PCID2: variants seen among roughly 807,000 people sequenced by gnomAD.
PCID2 encodes the protein PCI domain-containing protein 2.
PCID2 carries 41 observed loss-of-function variants against 61.3 expected under a neutral mutation model. The observed-to-expected ratio is 0.67, with a 90% CI of 0.52 to 0.87. The LOEUF (loss-of-function observed/expected upper bound fraction) is 0.87. Ranked by LOEUF, PCID2 falls within the 40% of genes least tolerant of loss-of-function variation. PCID2 has a pLI of 0.00. For missense variants in PCID2, 392 were observed against 493.4 expected (o/e 0.79, Z 1.95); for synonymous variants, 187 against 177.8 (o/e 1.05, Z -0.41).
At chr13:113,170,842 G>A in the PCID2 span, among the ~76,000 whole-genome samples, 1 of 151,930 alleles carries the variant, frequency 6.6e-6, no homozygotes, top group Non-Finnish European at 1.5e-5. Flanking sequence ...CTAAAAATCG[G>A]AAGAATGGGG....
At chr13:113,181,885 G>C (rs1338275804) in intron 9 of PCID2, among the ~76,000 whole-genome samples, 2 of 152,160 alleles carry the variant, frequency 1.3e-5, no homozygotes, top group Non-Finnish European at 2.9e-5. Flanking sequence ...AAAGAGTTCA[G>C]CACATGCTAA....
intron 1 of PCID2, among the ~76,000 whole-genome samples, chr13:113,201,593 T>C (rs554936255): frequency 4.3e-4 from 66 of 152,170 alleles, no homozygotes; most frequent in South Asian, 2.7e-3. Context: ...GGGCAGATCA[T>C]GAGGTCAGAA....
At position 113,208,599 on chromosome 13, in the gene PCID2, C is replaced by T. The variant is rs138888496; in HGVS notation, c.36G>A (p.Gln12=). The T allele has an allele frequency of 6.2e-7, 1 of 1,606,634 alleles. No homozygotes were observed. The highest frequency in any genetic ancestry group is 1.1e-5 in the South Asian group (1 of 90,340). The change falls in exon 1 of 14, where the codon CAG becomes CAA. Residue 12 remains glutamine (Q), a splice_region_variant and synonymous_variant. Coordinates refer to ENST00000337344, the MANE Select transcript of PCID2 (RefSeq NM_001127202.4). The part of the protein sequence containing the change: ...AHITINQYLQ[Q]VYEAIDSRDG... ...CGCGCGCTCCCCGGCTAGGACCCAC[C>T]TGCTGCAGGTACTGGTTAATGGTAA...
chr13:113,165,004 C>T, the PCID2 span: 32 of 1,559,330 alleles, frequency 2.1e-5, no homozygotes, highest in South Asian at 1.4e-4. Context: ...GTCCGATATT[C>T]GCTGAGAAGG....
In PCID2 at chr13:113,197,234, A is replaced by T; in HGVS notation, c.210T>A (p.Tyr70Ter). 6.2e-7 allele frequency: 1 copy of T among 1,611,272 alleles called. No homozygotes were observed. The highest frequency in any genetic ancestry group is 8.5e-7 in the Non-Finnish European group (1 of 1,177,388). ...CTATGAAGTCATGATTCCCCACTGC[A>T]TAAGTGCACCTGGAGGAGAAACAGA... ...EMFAAHLRCT[Y>*]AVGNHDFIEA... Residue 70 changes from tyrosine (Y) to a stop codon, truncating the protein, a stop_gained, in exon 4 of 14, where the codon TAT becomes TAA. Transcript: ENST00000337344. LOFTEE classifies it high-confidence loss of function.
downstream of PCID2, among the ~76,000 whole-genome samples, chr13:113,176,783 A>C (rs2037198459): frequency 6.6e-6 from 1 of 152,092 alleles, no homozygotes; most frequent in Admixed American, 6.5e-5. Flanking sequence ...GGAGAGAGTC[A>C]TCTCTATCTG....
chr13:113,175,027 C>CA (rs1277020053), downstream of PCID2, among the ~76,000 whole-genome samples: 2 of 152,166 alleles, frequency 1.3e-5, no homozygotes, highest in East Asian at 3.8e-4. Context: ...GTTCTCGTGA[C>CA]AGTGAGGGCG....
chr13:113,184,424 C>A lies in PCID2; in HGVS notation c.607G>T (p.Asp203Tyr). The change falls in exon 9 of 14, where the codon GAT (aspartate) becomes TAT (tyrosine). Residue 203 changes from aspartate to tyrosine, a missense_variant. Coordinates refer to ENST00000337344, the MANE Select transcript of PCID2 (RefSeq NM_001127202.4). The stretch of plus-strand genomic sequence containing the variant: ...GTTACTCTCTGTGCAGTGCTGTAAT[C>A]GTCTTTCAGGTTTGAGCTGTCAATT... The part of the protein sequence containing the change: ...RAIDSSNLKD[D>Y]YSTAQRVTYK... 1 of 1,607,254 alleles carries A rather than the reference C, an allele frequency of 6.2e-7. No homozygotes were observed. The highest frequency in any genetic ancestry group is 1.7e-4 in the Middle Eastern group (1 of 6,048).
chr13:113,204,804 G>A (rs1415665183), intron 1 of PCID2, among the ~76,000 whole-genome samples: 1 of 152,162 alleles, frequency 6.6e-6, no homozygotes, highest in African/African-American at 2.4e-5. Context: ...TGCGACTGGC[G>A]CCGCAGTGGA....
At chr13:113,194,927 A>G (rs899644926) in intron 6 of PCID2, 144 bp downstream of exon 6, 34 of 655,284 alleles carry the variant, frequency 5.2e-5, no homozygotes, top group Non-Finnish European at 9.0e-5. Context: ...AGAATAGTCA[A>G]TATCTTTCTT....
chr13:113,190,985 T>C lies in PCID2; in HGVS notation c.364-10A>G, dbSNP rs780020945. ...CCAACTGTTGATCTGCCTAATAAAATATAAGAACTTTTATTTCATTTTTCC... is the reference window on the plus strand; with the variant it reads ...CCAACTGTTGATCTGCCTAATAAAACATAAGAACTTTTATTTCATTTTTCC... On this transcript the variant is annotated splice_polypyrimidine_tract_variant and intron_variant, in intron 6 of 13. Coordinates refer to ENST00000337344, the MANE Select transcript of PCID2 (RefSeq NM_001127202.4). 3.8e-6 allele frequency: 6 copies of C among 1,584,042 alleles called. No homozygotes were observed. The highest frequency in any genetic ancestry group is 1.1e-5 in the South Asian group (1 of 90,066).
At chr13:113,180,350 C>T (rs949668501) in intron 10 of PCID2, 119 bp from the exon 11 acceptor site, 1 of 748,334 alleles carries the variant, frequency 1.3e-6, no homozygotes. Flanking sequence ...CTTAGAATGT[C>T]CATGGATTAA....
downstream of PCID2, among the ~76,000 whole-genome samples, chr13:113,177,295 G>A (rs187140983): frequency 2.0e-5 from 3 of 152,128 alleles, no homozygotes; most frequent in Admixed American, 6.5e-5. Flanking sequence ...GCGCCACCAC[G>A]CCCGGCTAAT....
chr13:113,172,044 A>C, the PCID2 span: 1 of 1,613,014 alleles, frequency 6.2e-7, no homozygotes, highest in African/African-American at 1.3e-5. Flanking sequence ...GGGCAGGCTC[A>C]CATGGTCCTT....
chr13:113,180,396 T>C (rs188015464), intron 10 of PCID2, among the ~76,000 whole-genome samples, 165 bp from the exon 11 acceptor site: 76 of 152,358 alleles, frequency 5.0e-4, no homozygotes, highest in African/African-American at 1.7e-3. Context: ...AACACAGGTC[T>C]AGAAATCAGA....
At chr13:113,204,644 A>G (rs1269029881) in intron 1 of PCID2, among the ~76,000 whole-genome samples, 1 of 152,206 alleles carries the variant, frequency 6.6e-6, no homozygotes, top group African/African-American at 2.4e-5. Context: ...CTTGAGCCCA[A>G]GGAGGGCCCC....
At chr13:113,208,307 C>A (rs2040095181) in intron 1 of PCID2, 3 of 1,431,588 alleles carry the variant, frequency 2.1e-6, no homozygotes, top group East Asian at 5.0e-5. Flanking sequence ...GCCACACGTG[C>A]CAGCAAGTGA....
At chr13:113,167,266 G>A in the PCID2 span, among the ~76,000 whole-genome samples, 2 of 152,204 alleles carry the variant, frequency 1.3e-5, no homozygotes, top group African/African-American at 2.4e-5. Flanking sequence ...ACCCCTAGAG[G>A]TGCAGTGAGG....
At chr13:113,177,036 C>T (rs553337735), downstream of PCID2, among the ~76,000 whole-genome samples, 34 of 152,266 alleles carry the variant, frequency 2.2e-4, no homozygotes, top group South Asian at 4.1e-4. Flanking sequence ...GCCGAAGGGA[C>T]GCGCTCAGGG....
Sources: allele counts gnomAD v4.1 joint callset (sites outside exome capture counted in the v4.1 genomes callset), GRCh38; gene constraint gnomAD v4.1.1; transcripts MANE v1.5; gene names NCBI Gene and HGNC (gene_info 2026-07-23, HGNC 2026-07-21).